The following TUBE1 variants were observed in gnomAD, a reference collection of about 807,000 sequenced individuals.
TUBE1 encodes the protein tubulin epsilon 1.
Under a neutral mutation model 53.5 loss-of-function variants are expected in TUBE1, and 34 were observed. The ratio of observed to expected loss-of-function variants is 0.64; its 90% confidence interval spans 0.48 to 0.85. TUBE1 has a LOEUF of 0.85. Ranked by LOEUF, TUBE1 falls within the 40% of genes least tolerant of loss-of-function variation. The pLI, the probability that TUBE1 is intolerant of heterozygous loss-of-function variation, is 0.00. For missense variants in TUBE1, 532 were observed against 570.5 expected (o/e 0.93, Z 0.69); for synonymous variants, 177 against 198.4 (o/e 0.89, Z 0.91).
In TUBE1 at chr6:112,086,904, A is replaced by C. The variant is rs1347671695; in HGVS notation, c.100-296T>G. The C allele has an allele frequency of 2.0e-5, 10 of 490,644 alleles. No individual in the cohort carries two copies. In the South Asian group the frequency reaches 2.1e-4, roughly 10 times the overall value. The allele number at this position is 490,644 out of a possible 1,614,324, so 30.4% of individuals were successfully genotyped here. On this transcript the variant is annotated intron_variant, in intron 2 of 11. Coordinates refer to ENST00000368662, the MANE Select transcript of TUBE1 (RefSeq NM_016262.5). Reference sequence around the variant, plus strand: ...TTCTTCGTAATCTTTTTAAAAGCTGACTGGTTAAATTAAGGAATACAATAA... The same window carrying C: ...TTCTTCGTAATCTTTTTAAAAGCTGCCTGGTTAAATTAAGGAATACAATAA...
At chr6:112,081,025 C>A in intron 5 of TUBE1, 67 bp downstream of exon 5, 1 of 1,010,220 alleles carries the variant, frequency 9.9e-7, no homozygotes, top group Non-Finnish European at 1.5e-6. Flanking sequence ...TCAGCAGAAT[C>A]TCACAATGAA....
Position 112,075,928 on chromosome 6 carries a change from T to C in TUBE1, c.812+9A>G, listed in dbSNP as rs1554315953. On this transcript the variant is annotated intron_variant, in intron 8 of 11. Transcript: ENST00000368662. The stretch of plus-strand genomic sequence containing the variant: ...ATAAAGTTTTTTGACTATCCCTGGA[T>C]AGAATTACCTCGTTAGGTTGAGGAG... The C allele has an allele frequency of 1.9e-6, 3 of 1,591,790 alleles. No homozygotes were observed. Among genetic ancestry groups the C allele is most frequent in the Admixed American group, 1.7e-5 (1 of 57,216 alleles).
chr6:112,082,784 A>G (rs1777091537), intron 4 of TUBE1, among the ~76,000 whole-genome samples: 2 of 152,244 alleles, frequency 1.3e-5, no homozygotes, highest in African/African-American at 4.8e-5. Context: ...TGGCTTTACA[A>G]TTGTAACAGG....
At chr6:112,077,528 C>T (rs1776992553) in intron 6 of TUBE1, 1 of 151,958 alleles carries the variant, frequency 6.6e-6, no homozygotes, top group Non-Finnish European at 1.5e-5. Flanking sequence ...GAGTAAATAA[C>T]ATTTTCTTAA....
At position 112,077,619 on chromosome 6, in the gene TUBE1, A is replaced by G. The variant is rs587664369; in HGVS notation, c.449-1110T>C. On this transcript the variant is annotated intron_variant, in intron 6 of 11. Coordinates refer to ENST00000368662, the MANE Select transcript of TUBE1 (RefSeq NM_016262.5). ...ATTCTGGTTAAAAAAAACTTTAAAC[A>G]CCAATGTTCTAATCCATGCAGATAA... 47 of 152,222 alleles carry G rather than the reference A, an allele frequency of 3.1e-4. 1 individual carries two copies. The highest frequency in any genetic ancestry group is 1.1e-3 in the African/African-American group (46 of 41,574). The allele number at this position is 152,222 out of a possible 1,614,324, so 9.4% of individuals were successfully genotyped here.
At position 112,072,841 on chromosome 6, in the gene TUBE1, G is replaced by T; in HGVS notation, c.1011C>A (p.Asp337Glu). Residue 337 changes from aspartate to glutamate, a missense_variant, in exon 10 of 12, where the codon GAC becomes GAA. Physicochemically the swap from Asp to Glu is conservative, Grantham distance 45. Coordinates refer to ENST00000368662, the MANE Select transcript of TUBE1 (RefSeq NM_016262.5). ...AGGCGAGGTAAAGACTGTGTTTGGG[G>T]TCTGCCCGAAGCAGCTGGTGATCTT... ...FSKDHQLLRA[D>E]PKHSLYLACA... 6.2e-7 allele frequency: 1 copy of T among 1,613,630 alleles called. No individual in the cohort carries two copies. Among genetic ancestry groups the T allele is most frequent in the Non-Finnish European group, 8.5e-7 (1 of 1,179,744 alleles).
chr6:112,085,429 C>A (rs1174421055), intron 3 of TUBE1: 2 of 247,160 alleles, frequency 8.1e-6, no homozygotes, highest in Non-Finnish European at 1.6e-5. Flanking sequence ...AAGAAAAGCT[C>A]CCAGGCTGAG....
intron 6 of TUBE1, chr6:112,077,718 G>T (rs1776995687): frequency 6.6e-6 from 1 of 151,804 alleles, no homozygotes; most frequent in Non-Finnish European, 1.5e-5. Context: ...TTAATGAGAA[G>T]GACTTTCTAA....
At chr6:112,074,362 T>C (rs1776919069) in intron 9 of TUBE1, among the ~76,000 whole-genome samples, 1 of 145,714 alleles carries the variant, frequency 6.9e-6, no homozygotes, top group African/African-American at 2.8e-5. Flanking sequence ...AGGTAGGTAC[T>C]ATTTCATTTT....
chr6:112,087,008 G>A lies in TUBE1; in HGVS notation c.99+225C>T, dbSNP rs189713273. 5.2e-5 allele frequency: 29 copies of A among 561,104 alleles called. No individual in the cohort carries two copies. In the Admixed American group the frequency reaches 8.8e-4, roughly 17 times the overall value. 34.8% of individuals were successfully genotyped at this position (561,104 alleles called of 1,614,324 possible). A position where few individuals can be genotyped will look rare whatever the true frequency, so the allele number is the denominator to read the frequency against. ...TCTGCACACGAACACCAATAAAGAG[G>A]AGACCCTGAGAATCAGGAAAAACGT... On this transcript the variant is annotated intron_variant, in intron 2 of 11. Coordinates refer to ENST00000368662, the MANE Select transcript of TUBE1 (RefSeq NM_016262.5).
chr6:112,087,337 T>C (rs782438445), intron 1 of TUBE1, 31 bp from the exon 2 acceptor site: 1 of 1,551,570 alleles, frequency 6.4e-7, no homozygotes, highest in Non-Finnish European at 8.7e-7. Context: ...GGAAAGAGAA[T>C]AGGACATTAA....
intron 9 of TUBE1, among the ~76,000 whole-genome samples, chr6:112,073,705 A>C (rs782617026): frequency 5.9e-5 from 9 of 152,212 alleles, no homozygotes; most frequent in Non-Finnish European, 1.3e-4. Context: ...TGAAGTATAG[A>C]ATTATCTTGT....
chr6:112,077,741 A>G (rs1554316263), intron 6 of TUBE1: 2 of 152,084 alleles, frequency 1.3e-5, no homozygotes, highest in Non-Finnish European at 2.9e-5. Context: ...GTCACAAAAA[A>G]ACCAGAGCCA....
chr6:112,076,061 A>G lies in TUBE1; in HGVS notation c.688T>C (p.Leu230=), dbSNP rs151136805. 159 of 1,613,658 alleles carry G rather than the reference A, an allele frequency of 9.9e-5. No individual in the cohort carries two copies. The African/African-American group carries it at 2.1e-3, about 21-fold the overall frequency. ...CTCTTTGGCTTCACAGTTGTACCCA[A>G]CTTTCCAGAATTCACCATGAGGTCG... ...KIDLMVNSGK[L]GTTVKPKSLV... The change falls in exon 8 of 12, where the codon TTG becomes CTG. Residue 230 remains leucine, a synonymous_variant. Transcript: ENST00000368662.
chr6:112,080,682 C>T (rs1777055523), intron 5 of TUBE1, among the ~76,000 whole-genome samples: 1 of 152,020 alleles, frequency 6.6e-6, no homozygotes, highest in African/African-American at 2.4e-5. Context: ...ACTCAAGGGC[C>T]TAAACAGCCT....
Position 112,072,913 on chromosome 6 carries a change from T to C in TUBE1, c.954-15A>G, listed in dbSNP as rs1554315586. On this transcript the variant is annotated splice_polypyrimidine_tract_variant and intron_variant, in intron 9 of 11. Transcript: ENST00000368662. ...TCTGATCCAATCTGCAACAATGAAA[T>C]TGTCATTGTTTATACAAAATATTAC... 1 of 1,610,588 alleles carries C rather than the reference T, an allele frequency of 6.2e-7. No homozygotes were observed. The highest frequency in any genetic ancestry group is 8.5e-7 in the Non-Finnish European group (1 of 1,178,198).
At position 112,074,747 on chromosome 6, in the gene TUBE1, G is replaced by A; in HGVS notation, c.916C>T (p.Leu306=). The change falls in exon 9 of 12, where the codon CTG becomes TTG. Residue 306 remains leucine (L), a synonymous_variant. Coordinates refer to ENST00000368662, the MANE Select transcript of TUBE1 (RefSeq NM_016262.5). ...LHYLVSSLTP[L]YTLTDVNIPP... ...ATGTTAACATCTGTCAGTGTATACAGAGGTGTTAGGCTTGACACGAGATAA... is the reference window on the plus strand; with the variant it reads ...ATGTTAACATCTGTCAGTGTATACAAAGGTGTTAGGCTTGACACGAGATAA... The A allele has an allele frequency of 6.2e-7, 1 of 1,604,328 alleles. No homozygotes were observed. The highest frequency in any genetic ancestry group is 8.5e-7 in the Non-Finnish European group (1 of 1,176,088).
At chr6:112,084,477 G>C (rs1053969149) in intron 3 of TUBE1, among the ~76,000 whole-genome samples, 2 of 152,186 alleles carry the variant, frequency 1.3e-5, no homozygotes, top group Non-Finnish European at 2.9e-5. Flanking sequence ...ATGTAATCCA[G>C]TTCTAGCCAA....
At position 112,080,710 on chromosome 6, in the gene TUBE1, C is replaced by G. The variant is rs587618226; in HGVS notation, c.326+382G>C. 3.9e-5 allele frequency among the ~76,000 whole-genome samples: 6 copies of G among 152,144 alleles called. No individual in the cohort carries two copies. In the East Asian group the frequency reaches 9.6e-4, roughly 24 times the overall value. The stretch of plus-strand genomic sequence containing the variant: ...AACAGCCTTAGGCTCAGCTTGAATG[C>G]TAGGATACTGGTCTGGCTTGCATCT... On this transcript the variant is annotated intron_variant, in intron 5 of 11. Transcript: ENST00000368662.
Sources: gnomAD v4.1 joint callset for allele counts (sites outside exome capture counted in the v4.1 genomes callset) on GRCh38, gnomAD v4.1.1 for gene constraint, MANE v1.5 for transcripts, NCBI Gene and HGNC (gene_info 2026-07-23, HGNC 2026-07-21) for gene names.